Variants in TOM1L2 observed in about 807,000 individuals in gnomAD.
TOM1L2 encodes target of myb1 like 2 membrane trafficking protein.
A neutral mutation model predicts 67.9 loss-of-function variants in TOM1L2; 31 were observed. The ratio of observed to expected loss-of-function variants is 0.46; its 90% confidence interval spans 0.34 to 0.62. The LOEUF is 0.62. TOM1L2 is among the 20% of genes least tolerant of loss of function. The pLI, the probability that TOM1L2 is intolerant of heterozygous loss-of-function variation, is 0.01. For missense variants in TOM1L2, 606 were observed against 663.5 expected (o/e 0.91, Z 0.95); for synonymous variants, 256 against 254.0 (o/e 1.01, Z -0.07).
chr17:17,960,669 G>A (rs1174042185), intron 1 of TOM1L2, among the ~76,000 whole-genome samples: 3 of 152,074 alleles, frequency 2.0e-5, no homozygotes, highest in Non-Finnish European at 2.9e-5. Context: ...TAGTTTCCTA[G>A]TCTTTTAAAA....
At position 17,898,615 on chromosome 17, in the gene TOM1L2, T is replaced by C. The variant is rs2038693295; in HGVS notation, c.197A>G (p.Glu66Gly). 3.1e-6 allele frequency: 5 copies of C among 1,614,202 alleles called. No homozygotes were observed. In the East Asian group the frequency reaches 6.7e-5, roughly 22 times the overall value. Reference sequence around the variant, plus strand: ...ACTCACTGTTAATGCCAGCATCACCTCTCTGTAGTTCCGGTTCCCGTTGAG... The same window carrying C: ...ACTCACTGTTAATGCCAGCATCACCCCTCTGTAGTTCCGGTTCCCGTTGAG... ...KRLNGNRNYREVMLALTVLET... is the reference protein window; with the variant it reads ...KRLNGNRNYRGVMLALTVLET... Residue 66 changes from glutamate (E) to glycine (G), a missense_variant, in exon 3 of 15, where the codon GAG becomes GGG. Physicochemically the swap from Glu to Gly is moderately conservative, Grantham distance 98 (BLOSUM62 -2). This residue lies in a region of TOM1L2 where 63 missense variants were observed against 109.5 expected (regional missense o/e 0.58). Transcript: ENST00000379504.
intron 4 of TOM1L2, among the ~76,000 whole-genome samples, chr17:17,890,946 T>C (rs1053213107): frequency 5.9e-5 from 9 of 152,248 alleles, no homozygotes; most frequent in African/African-American, 1.9e-4. Context: ...AGCTGAATGC[T>C]GCCTGCTGTC....
At chr17:17,849,414 T>C (rs775513473) in intron 13 of TOM1L2, among the ~76,000 whole-genome samples, 1 of 152,138 alleles carries the variant, frequency 6.6e-6, no homozygotes, top group African/African-American at 2.4e-5. Flanking sequence ...ACTTTGGGAG[T>C]GGAGGCTGTG....
chr17:17,863,210 T>C (rs2036657572), intron 10 of TOM1L2: 1 of 202,812 alleles, frequency 4.9e-6, no homozygotes, highest in South Asian at 1.1e-4. Context: ...CTGGAACATC[T>C]ATTTATTCAG....
At chr17:17,888,826 A>G (rs2038123296) in intron 4 of TOM1L2, among the ~76,000 whole-genome samples, 1 of 152,226 alleles carries the variant, frequency 6.6e-6, no homozygotes, top group Non-Finnish European at 1.5e-5. Context: ...ATAGAGTGGG[A>G]GCATCCTTTT....
intron 1 of TOM1L2, among the ~76,000 whole-genome samples, chr17:17,911,565 CT>C (rs1469679794): frequency 3.3e-5 from 5 of 152,024 alleles, no homozygotes; most frequent in Admixed American, 1.3e-4. Context: ...GGGGACAGGA[CT>C]GAGTGAGGGA....
intron 1 of TOM1L2, among the ~76,000 whole-genome samples, chr17:17,949,430 A>C (rs938347431): frequency 6.6e-6 from 1 of 152,208 alleles, no homozygotes; most frequent in Admixed American, 6.5e-5. Flanking sequence ...AAATGTTACA[A>C]AGTGCCCCTT....
In TOM1L2 at chr17:17,869,387, C is replaced by T; in HGVS notation, c.864G>A (p.Leu288=). The change falls in exon 8 of 15, where the codon CTG becomes CTA. Residue 288 remains leucine (L), a synonymous_variant. Coordinates refer to ENST00000379504, the MANE Select transcript of TOM1L2 (RefSeq NM_001082968.2). ...TGTTGAGGTCATCGTTCACATGCAG[C>T]AGCTCCTCGGTGACCTCCTCATTGG... ...RVSNEEVTEE[L]LHVNDDLNNV... The T allele has an allele frequency of 6.2e-7, 1 of 1,613,344 alleles. No homozygotes were observed. The highest frequency in any genetic ancestry group is 8.5e-7 in the Non-Finnish European group (1 of 1,180,012).
At position 17,907,520 on chromosome 17, in the gene TOM1L2, C is replaced by T. The variant is rs1568234298; in HGVS notation, c.64G>A (p.Asp22Asn). Residue 22 changes from aspartate to asparagine, a missense_variant, in exon 2 of 15, where the codon GAT (aspartate) becomes AAT (asparagine). This residue lies in a region of TOM1L2 where 63 missense variants were observed against 109.5 expected (regional missense o/e 0.58). Transcript: ENST00000379504. Reference sequence around the variant, plus strand: ...CAATCCTCACTTTGCAGGGAGCCATCTGTTGCCTTTTCTGTGAAATCAGAG... The same window carrying T: ...CAATCCTCACTTTGCAGGGAGCCATTTGTTGCCTTTTCTGTGAAATCAGAG... ...PVGQCLEKAT[D>N]GSLQSEDWTL... 6.2e-7 allele frequency: 1 copy of T among 1,613,930 alleles called. No individual in the cohort carries two copies.
intron 2 of TOM1L2, among the ~76,000 whole-genome samples, chr17:17,902,985 T>A (rs914861339): frequency 6.6e-6 from 1 of 152,050 alleles, no homozygotes; most frequent in African/African-American, 2.4e-5. Context: ...TGACCTAGAA[T>A]TGCTCCAGCC....
At chr17:17,942,556 G>A (rs1316908379) in intron 1 of TOM1L2, among the ~76,000 whole-genome samples, 1 of 152,136 alleles carries the variant, frequency 6.6e-6, no homozygotes, top group African/African-American at 2.4e-5. Context: ...TGTATGGGCC[G>A]ATATGTACAC....
chr17:17,888,044 G>C (rs2038087104), intron 4 of TOM1L2, among the ~76,000 whole-genome samples: 1 of 152,214 alleles, frequency 6.6e-6, no homozygotes, highest in Non-Finnish European at 1.5e-5. Context: ...GCCACTCTTG[G>C]AGTGCTTAAC....
At chr17:17,905,264 C>T (rs2039040824) in intron 2 of TOM1L2, among the ~76,000 whole-genome samples, 1 of 152,208 alleles carries the variant, frequency 6.6e-6, no homozygotes, top group Non-Finnish European at 1.5e-5. Flanking sequence ...AACTCAAGTT[C>T]CCTGTGCAGT....
intron 1 of TOM1L2, among the ~76,000 whole-genome samples, chr17:17,911,478 T>G (rs1256926092): frequency 2.0e-5 from 3 of 152,190 alleles, no homozygotes; most frequent in Middle Eastern, 3.2e-3. Flanking sequence ...TTTCTGCTGT[T>G]GCACCAGGTT....
Position 17,893,775 on chromosome 17 carries a change from G to T in TOM1L2, c.252C>A (p.Arg84=), listed in dbSNP as rs774933868. 66 of 1,614,078 alleles carry T rather than the reference G, an allele frequency of 4.1e-5. No individual in the cohort carries two copies. The highest frequency in any genetic ancestry group is 5.5e-5 in the Non-Finnish European group (65 of 1,180,032). Residue 84 remains arginine, a synonymous_variant, in exon 4 of 15, where the codon CGC becomes CGA. Coordinates refer to ENST00000379504, the MANE Select transcript of TOM1L2 (RefSeq NM_001082968.2). ...CTCGGTTGGCCACAAGGATGTGGAA[G>T]CGGTGGCCACAGTTCTTCACACATG... ...LETCVKNCGH[R]FHILVANRDF... is the part of the protein sequence containing the mutation.
rs889735533 is a variant in TOM1L2, at chr17:17,926,241, C to T, written c.53-18710G>A. On this transcript the variant is annotated intron_variant, in intron 1 of 14. Coordinates refer to ENST00000379504, the MANE Select transcript of TOM1L2 (RefSeq NM_001082968.2). Reference sequence around the variant, plus strand: ...GCCTAAACATAAGTAAGCTTCATTACTTAGTCTGAACATACAGACTTAAGG... The same window carrying T: ...GCCTAAACATAAGTAAGCTTCATTATTTAGTCTGAACATACAGACTTAAGG... Among the ~76,000 whole-genome samples, 73 of 138,416 alleles carry T rather than the reference C, an allele frequency of 5.3e-4. No homozygotes were observed. The Middle Eastern group carries it at 0.011, about 20-fold the overall frequency. 90.8% of individuals were successfully genotyped at this position (138,416 alleles called of 152,430 possible).
At chr17:17,854,341 C>T (rs763620356) in intron 12 of TOM1L2, among the ~76,000 whole-genome samples, 9 of 152,078 alleles carry the variant, frequency 5.9e-5, no homozygotes, top group Non-Finnish European at 5.9e-5. Context: ...GGGGGCACTG[C>T]GCTGAGTCTT....
intron 3 of TOM1L2, among the ~76,000 whole-genome samples, chr17:17,895,881 C>T (rs557652552): frequency 1.3e-5 from 2 of 152,296 alleles, no homozygotes; most frequent in Admixed American, 6.5e-5. Flanking sequence ...TGTAACTTAA[C>T]CTAGGAGGCC....
At chr17:17,893,016 G>A (rs2038373619) in intron 4 of TOM1L2, among the ~76,000 whole-genome samples, 1 of 152,192 alleles carries the variant, frequency 6.6e-6, no homozygotes, top group South Asian at 2.1e-4. Flanking sequence ...ACCTGCTCCT[G>A]AATTCCTGGC....
Sources: gnomAD v4.1 joint callset for allele counts (sites outside exome capture counted in the v4.1 genomes callset) on GRCh38, gnomAD v4.1.1 for gene constraint, gnomAD v4.1.1 regional missense constraint, MANE v1.5 for transcripts, NCBI Gene and HGNC (gene_info 2026-07-23, HGNC 2026-07-21) for gene names.